MAP4: variants seen among roughly 807,000 people sequenced by gnomAD.
MAP4 encodes microtubule-associated protein 4.
MAP4 carries 76 observed loss-of-function variants against 170.2 expected under a neutral mutation model. The observed-to-expected ratio is 0.45, with a 90% CI of 0.37 to 0.54. MAP4 has a LOEUF of 0.54. Among genes scored for constraint, MAP4 ranks in the 20% least tolerant of loss-of-function variants. The pLI is 0.00. For synonymous variants in MAP4, 909 were observed against 994.5 expected, an observed-to-expected ratio of 0.91 and a Z score of 1.62; for missense variants, 2,506 against 2,748.0, an observed-to-expected ratio of 0.91 and a Z score of 1.97.
Position 47,855,294 on chromosome 3 carries a change from C to G in MAP4, c.6650G>C (p.Gly2217Ala). The G allele has an allele frequency of 6.2e-7, 1 of 1,614,080 alleles. No individual in the cohort carries two copies. Among genetic ancestry groups the G allele is most frequent in the Non-Finnish European group, 8.5e-7 (1 of 1,179,968 alleles). ...TAGGTGGCCCACATTATCGAGGGAT[C>G]CCACCTTGGCCTGGGCCTTCTCCTT... ...NFKEKAQAKV[G>A]SLDNVGHLPA... is the part of the protein sequence containing the mutation. Residue 2217 changes from glycine (G) to alanine (A), a missense_variant, in exon 19 of 21, where the codon GGA (glycine) becomes GCA (alanine). Gly to Ala is a moderately conservative substitution (Grantham distance 60). Around this residue, in one of 3 missense-constraint regions of MAP4, gnomAD observed 487 missense variants for 511.6 expected, o/e 0.95. Coordinates refer to ENST00000683076, the MANE Select transcript of MAP4 (RefSeq NM_001385682.1). This position sits in a 1 kb window ranked among gnomAD's most constrained non-coding sequence, Gnocchi z 5.1.
At chr3:47,977,694 T>C (rs530286854) in intron 3 of MAP4, among the ~76,000 whole-genome samples, 171 bp downstream of exon 3, 1 of 152,352 alleles carries the variant, frequency 6.6e-6, no homozygotes, top group East Asian at 1.9e-4. Flanking sequence ...CCTTCCATTG[T>C]TGGAGATTTT....
At chr3:48,034,789 G>A (rs1413892910) in intron 1 of MAP4, among the ~76,000 whole-genome samples, 1 of 151,860 alleles carries the variant, frequency 6.6e-6, no homozygotes, top group East Asian at 1.9e-4. Flanking sequence ...GAGGTGGGAG[G>A]ATTGCTTGAG....
At chr3:47,859,846 G>C (rs2062808433) in intron 17 of MAP4, among the ~76,000 whole-genome samples, 1 of 152,174 alleles carries the variant, frequency 6.6e-6, no homozygotes, top group Non-Finnish European at 1.5e-5. Context: ...CTCCAAAATG[G>C]AAGTTTAGGA....
chr3:47,915,744 A>T (rs2100038404), intron 7 of MAP4, among the ~76,000 whole-genome samples: 1 of 152,204 alleles, frequency 6.6e-6, no homozygotes, highest in Non-Finnish European at 1.5e-5. Context: ...AAAACAGGAC[A>T]ATCAGCAGAG....
intron 3 of MAP4, among the ~76,000 whole-genome samples, chr3:47,932,439 C>A (rs1278445183): frequency 6.6e-6 from 1 of 152,086 alleles, no homozygotes; most frequent in Non-Finnish European, 1.5e-5. Flanking sequence ...TGATATATCC[C>A]TAGGAGTAGA....
chr3:47,944,182 C>A (rs1016397323), intron 3 of MAP4, among the ~76,000 whole-genome samples: 1 of 151,878 alleles, frequency 6.6e-6, no homozygotes, highest in African/African-American at 2.4e-5. Flanking sequence ...TGGTGGCACA[C>A]GCCTGTAATC....
intron 3 of MAP4, chr3:47,974,161 C>T: frequency 1.0e-6 from 1 of 977,380 alleles, no homozygotes; most frequent in Non-Finnish European, 1.2e-6. Context: ...CACAGTGTCT[C>T]ACACCTGTAA....
intron 5 of MAP4, among the ~76,000 whole-genome samples, chr3:47,919,897 T>C (rs531965106): frequency 1.4e-4 from 20 of 147,680 alleles, no homozygotes; most frequent in African/African-American, 4.9e-4. Flanking sequence ...ACAATTTTAT[T>C]AAAATACTTT....
chr3:47,946,743 A>G (rs2100060285), intron 3 of MAP4, among the ~76,000 whole-genome samples: 1 of 151,860 alleles, frequency 6.6e-6, no homozygotes, highest in Admixed American at 6.6e-5. Context: ...TCATATATCT[A>G]TGATGTGATA....
At chr3:47,872,151 G>A in intron 12 of MAP4, 51 bp from the exon 13 acceptor site, 1 of 1,462,618 alleles carries the variant, frequency 6.8e-7, no homozygotes, top group Non-Finnish European at 9.4e-7. Flanking sequence ...ATAGCCCCAA[G>A]GAGTCACGCT....
At chr3:47,888,845 A>T (rs1218950836) in intron 10 of MAP4, among the ~76,000 whole-genome samples, 1 of 152,238 alleles carries the variant, frequency 6.6e-6, no homozygotes, top group African/African-American at 2.4e-5. Context: ...CCTTTAGAGA[A>T]GCCTCAAGGT....
At chr3:47,958,503 T>C (rs1428592054) in intron 3 of MAP4, among the ~76,000 whole-genome samples, 1 of 152,070 alleles carries the variant, frequency 6.6e-6, no homozygotes, top group African/African-American at 2.4e-5. Context: ...TTATTATAAG[T>C]TGGAATTAGT....
intron 3 of MAP4, among the ~76,000 whole-genome samples, chr3:47,967,946 C>A (rs562742961): frequency 1.2e-4 from 19 of 152,194 alleles, no homozygotes; most frequent in African/African-American, 4.6e-4. Flanking sequence ...CAGAGTAAGA[C>A]CCTGCCTCAA....
chr3:47,891,347 A>C (rs2100023818), intron 10 of MAP4: 1 of 1,536,094 alleles, frequency 6.5e-7, no homozygotes, highest in Admixed American at 2.0e-5. Context: ...GAAAGGAGGT[A>C]TCTCTTTAGT....
In MAP4 at chr3:47,910,132, G is replaced by A. The variant is rs1193208638; in HGVS notation, c.4289C>T (p.Ser1430Phe). The change falls in exon 9 of 21, where the codon TCT becomes TTT. Residue 1430 changes from serine (S) to phenylalanine (F), a missense_variant. Ser to Phe is a radical substitution (Grantham distance 155). Transcript: ENST00000683076. Reference sequence around the variant, plus strand: ...TGCTGATTCCAGAACCTCTAGAGGAGATGATTTATTTATCAGCTCTGATGG... The same window carrying A: ...TGCTGATTCCAGAACCTCTAGAGGAAATGATTTATTTATCAGCTCTGATGG... The part of the protein sequence containing the change: ...RTPSELINKS[S>F]PLEVLESAAC... 1.2e-6 allele frequency: 2 copies of A among 1,613,968 alleles called. No homozygotes were observed.
intron 3 of MAP4, among the ~76,000 whole-genome samples, chr3:47,967,833 T>C (rs1249781026): frequency 6.6e-6 from 1 of 152,056 alleles, no homozygotes; most frequent in African/African-American, 2.4e-5. Flanking sequence ...CATGGTGGTG[T>C]GCACCTGTAG....
intron 1 of MAP4, among the ~76,000 whole-genome samples, chr3:48,013,730 T>C (rs1051102202): frequency 2.0e-5 from 3 of 151,358 alleles, no homozygotes; most frequent in African/African-American, 7.3e-5. Context: ...AAAAAAGCTT[T>C]TTGGCAAAGG....
At chr3:47,906,001 C>CA (rs990206383) in intron 9 of MAP4, among the ~76,000 whole-genome samples, 170 of 140,798 alleles carry the variant, frequency 1.2e-3, no homozygotes, top group African/African-American at 3.5e-3. Flanking sequence ...TCTCAAAAAA[C>CA]AAAAAAAACA....
intron 9 of MAP4, among the ~76,000 whole-genome samples, chr3:47,905,545 C>CA (rs569453520): frequency 0.017 from 2,209 of 129,296 alleles, 22 homozygotes; most frequent in Middle Eastern, 0.056. Flanking sequence ...ACAACAACAA[C>CA]AAAAAAAAAA....
Sources: gnomAD v4.1 joint callset for allele counts (sites outside exome capture counted in the v4.1 genomes callset) on GRCh38, gnomAD v4.1.1 for gene constraint, gnomAD v4.1.1 regional missense constraint, Gnocchi (gnomAD v3.1) non-coding constraint, MANE v1.5 for transcripts, NCBI Gene and HGNC (gene_info 2026-07-23, HGNC 2026-07-21) for gene names.